LAMA5: variants seen among roughly 807,000 people sequenced by gnomAD.
LAMA5 encodes laminin subunit alpha-5.
A neutral mutation model predicts 433.4 loss-of-function variants in LAMA5; 260 were observed. That is an observed-to-expected ratio of 0.60 (90% CI 0.54 to 0.66). The LOEUF (loss-of-function observed/expected upper bound fraction) is 0.66, where lower values mean the gene tolerates loss of function less well. Ranked by LOEUF, LAMA5 falls within the 30% of genes least tolerant of loss-of-function variation. LAMA5 has a pLI of 0.00. For missense variants in LAMA5, 5,378 were observed against 5,258.5 expected, an observed-to-expected ratio of 1.02 and a Z score of -0.70; for synonymous variants, 2,620 against 2,226.6, an observed-to-expected ratio of 1.18 and a Z score of -4.97.
At chr20:62,349,931 CAT>C (rs1414673549) in intron 6 of LAMA5, among the ~76,000 whole-genome samples, 2 of 149,250 alleles carry the variant, frequency 1.3e-5, no homozygotes, top group Non-Finnish European at 3.0e-5. Flanking sequence ...TGGCTGATGA[CAT>C]GGAGCCCCCT....
intron 2 of LAMA5, among the ~76,000 whole-genome samples, chr20:62,355,755 T>C (rs1189448647): frequency 3.5e-5 from 5 of 141,174 alleles, no homozygotes; most frequent in Non-Finnish European, 1.5e-5. Context: ...AGCAGCCCCC[T>C]GTGGGCCTGA....
At chr20:62,310,375 C>T in intron 76 of LAMA5, 44 bp downstream of exon 76, 1 of 1,565,240 alleles carries the variant, frequency 6.4e-7, no homozygotes, top group South Asian at 1.2e-5. Context: ...CCTGGAGCCC[C>T]CTGCCCTGCC....
intron 1 of LAMA5, 128 bp downstream of exon 1, chr20:62,366,821 C>T: frequency 8.3e-7 from 1 of 1,206,226 alleles, no homozygotes; most frequent in South Asian, 4.3e-5. Context: ...TCTTGGGCCC[C>T]CAAAATGCGG....
rs758378567 is a variant in LAMA5 at position 62,312,913 on chromosome 20, G to A, written c.9053C>T (p.Pro3018Leu). The stretch of plus-strand genomic sequence containing the variant: ...CGCCTTGCTGGCCGAGGTCAGGGGC[G>A]GTGGGGGCTGCAGTGGGACGGCCTT... ...LKKAVPLQPP[P>L]PLTSASKAIQ... is the part of the protein sequence containing the mutation. Residue 3018 changes from proline to leucine, a missense_variant, in exon 66 of 80, where the codon CCG (proline) becomes CTG (leucine). Coordinates refer to ENST00000252999, the MANE Select transcript of LAMA5 (RefSeq NM_005560.6). 83 of 1,583,558 alleles carry A rather than the reference G, an allele frequency of 5.2e-5. No individual in the cohort carries two copies. The highest frequency in any genetic ancestry group is 3.6e-4 in the East Asian group (16 of 44,550).
At chr20:62,366,830 G>A in intron 1 of LAMA5, 119 bp downstream of exon 1, 2 of 1,215,440 alleles carry the variant, frequency 1.6e-6, no homozygotes, top group Non-Finnish European at 2.1e-6. Context: ...CCCAAAATGC[G>A]GAACCAGAGA....
chr20:62,336,409 C>G lies in LAMA5; in HGVS notation c.2254G>C (p.Gly752Arg). Reference sequence around the variant, plus strand: ...GGTTTGCAGCGGTCACAGCTCGGCCCCTCCACGTGAGCCCGGCACATACAG... The same window carrying G: ...GGTTTGCAGCGGTCACAGCTCGGCCGCTCCACGTGAGCCCGGCACATACAG... ...VPCMCRAHVE[G>R]PSCDRCKPGF... The change falls in exon 18 of 80, where the codon GGG becomes CGG. Residue 752 changes from glycine to arginine, a missense_variant. Transcript: ENST00000252999. 6.2e-7 allele frequency: 1 copy of G among 1,612,608 alleles called. No homozygotes were observed. The highest frequency in any genetic ancestry group is 8.5e-7 in the Non-Finnish European group (1 of 1,179,850).
intron 70 of LAMA5, 32 bp from the exon 71 acceptor site, chr20:62,311,816 T>TTGCGC: frequency 1.3e-6 from 2 of 1,521,010 alleles, no homozygotes; most frequent in Non-Finnish European, 1.8e-6. Flanking sequence ...GCTCGGTTTT[T>TTGCGC]CCCCACCCTG....
chr20:62,351,606 C>G (rs1282593821), intron 6 of LAMA5, 98 bp downstream of exon 6: 1 of 1,174,174 alleles, frequency 8.5e-7, no homozygotes, highest in African/African-American at 1.5e-5. Flanking sequence ...GCCATGGAAC[C>G]AGGTCACCCA....
chr20:62,351,770 C>T lies in LAMA5; in HGVS notation c.890G>A (p.Gly297Glu). 1 of 1,610,992 alleles carries T rather than the reference C, an allele frequency of 6.2e-7. No individual in the cohort carries two copies. Among genetic ancestry groups the T allele is most frequent in the Non-Finnish European group, 8.5e-7 (1 of 1,179,552 alleles). ...YYYSIKDISI[G>E]GRCVCHGHAD... is the part of the protein sequence containing the mutation. ...GTGGCCGTGGCAGACACAGCGGCCT[C>T]CGATGCTGATATCCTTGATGCTGTA... Residue 297 changes from glycine to glutamate, a missense_variant, in exon 6 of 80, where the codon GGA becomes GAA. Physicochemically the swap from Gly to Glu is moderately conservative, Grantham distance 98 (BLOSUM62 -2). Coordinates refer to ENST00000252999, the MANE Select transcript of LAMA5 (RefSeq NM_005560.6).
chr20:62,329,442 G>A (rs753712063), intron 32 of LAMA5, among the ~76,000 whole-genome samples, 189 bp from the exon 33 acceptor site: 4 of 152,178 alleles, frequency 2.6e-5, no homozygotes, highest in Non-Finnish European at 2.9e-5. Context: ...AGCAGCTTTC[G>A]GGGGCATGAG....
chr20:62,312,089 C>T, intron 69 of LAMA5, 39 bp from the exon 70 acceptor site: 1 of 1,609,252 alleles, frequency 6.2e-7, no homozygotes. Context: ...GGCCTGGGGA[C>T]CCAGACTCAT....
Position 62,328,882 on chromosome 20 carries a change from C to T in LAMA5, c.4409G>A (p.Arg1470His), listed in dbSNP as rs200572038. 5.6e-5 allele frequency: 91 copies of T among 1,611,596 alleles called. No homozygotes were observed. The highest frequency in any genetic ancestry group is 6.7e-5 in the Non-Finnish European group (79 of 1,179,524). The change falls in exon 34 of 80, where the codon CGC becomes CAC. Residue 1470 changes from arginine (R) to histidine (H), a missense_variant. Transcript: ENST00000252999. ...GAAGCCCCAGTATCCGGTGGCACAGCGGGAGCAGTCACGGCCAATGACATG... is the reference window on the plus strand; with the variant it reads ...GAAGCCCCAGTATCCGGTGGCACAGTGGGAGCAGTCACGGCCAATGACATG... The part of the protein sequence containing the change: ...HAHVIGRDCS[R>H]CATGYWGFPN...
Position 62,311,284 on chromosome 20 carries a change from G to A in LAMA5, c.9966C>T (p.Pro3322=), listed in dbSNP as rs776267400. The change falls in exon 73 of 80, where the codon CCC becomes CCT. Residue 3322 remains proline (P), a synonymous_variant. Coordinates refer to ENST00000252999, the MANE Select transcript of LAMA5 (RefSeq NM_005560.6). ...ARKASRRSRQ[P]ARHPACMLPP... ...GCAGCATGCAGGCAGGATGCCGGGCGGGCTGACGGCTGCGGCGGGAGGCCT... is the reference window on the plus strand; with the variant it reads ...GCAGCATGCAGGCAGGATGCCGGGCAGGCTGACGGCTGCGGCGGGAGGCCT... The A allele has an allele frequency of 1.4e-5, 22 of 1,595,044 alleles. No individual in the cohort carries two copies. Among genetic ancestry groups the A allele is most frequent in the South Asian group, 3.4e-5 (3 of 89,106 alleles).
Position 62,362,505 on chromosome 20 carries a change from G to A in LAMA5, c.345C>T (p.His115=). The A allele has an allele frequency of 6.2e-7, 1 of 1,604,414 alleles. No homozygotes were observed. Among genetic ancestry groups the A allele is most frequent in the Non-Finnish European group, 8.5e-7 (1 of 1,174,966 alleles). The change falls in exon 2 of 80, where the codon CAC becomes CAT. Residue 115 remains histidine, a synonymous_variant. Transcript: ENST00000252999. ...ICTAANSNKA[H]PASNAIDGTE... is the part of the protein sequence containing the mutation. ...TGCCATCGATGGCATTGCTCGCGGG[G>A]TGTGCCTTGTTGCTGTTGGCAGCCG...
At chr20:62,336,576 G>A in intron 17 of LAMA5, 131 bp from the exon 18 acceptor site, 2 of 1,115,996 alleles carry the variant, frequency 1.8e-6, no homozygotes, top group South Asian at 1.3e-5. Context: ...GGAGTCACCT[G>A]CAGTGGGGGC....
At position 62,325,558 on chromosome 20, in the gene LAMA5, G is replaced by A. The variant is rs1191547470; in HGVS notation, c.5299-12C>T. On this transcript the variant is annotated splice_polypyrimidine_tract_variant and intron_variant, in intron 40 of 79. Coordinates refer to ENST00000252999, the MANE Select transcript of LAMA5 (RefSeq NM_005560.6). ...TGCCGGAAGTTCCCCTGTGGGTCCA[G>A]GATGGCACCTCAGTGGGGCCACACT... 1.9e-6 allele frequency: 3 copies of A among 1,573,552 alleles called. No individual in the cohort carries two copies. The highest frequency in any genetic ancestry group is 2.6e-6 in the Non-Finnish European group (3 of 1,148,932).
At position 62,312,944 on chromosome 20, in the gene LAMA5, GGCCAGCCCCAAAGTCATACAACA is replaced by G; in HGVS notation, c.8999_9021del (p.Leu3000ProfsTer49). Reference sequence around the variant, plus strand: ...GGCTGCAGTGGGACGGCCTTTTTCAGGCCAGCCCCAAAGTCATACAACAGCACGAGGCTGCCTTCTTGCACGGC... The same window carrying G: ...GGCTGCAGTGGGACGGCCTTTTTCAGGCACGAGGCTGCCTTCTTGCACGGC... On this transcript the variant is annotated frameshift_variant, in exon 66 of 80. Transcript: ENST00000252999. LOFTEE classifies it high-confidence loss of function. The G allele has an allele frequency of 6.3e-7, 1 of 1,581,098 alleles. No individual in the cohort carries two copies. Among genetic ancestry groups the G allele is most frequent in the Non-Finnish European group, 8.6e-7 (1 of 1,161,594 alleles).
Position 62,328,832 on chromosome 20 carries a change from T to TG in LAMA5, c.4447+11dup, listed in dbSNP as rs1367787950. On this transcript the variant is annotated intron_variant, in intron 34 of 79. Transcript: ENST00000252999. Reference sequence around the variant, plus strand: ...TCCCTGCCACTGGGCGCCCAAGGACTGGGGTACTCACGCCTGCAGTTGGGG... The same window carrying TG: ...TCCCTGCCACTGGGCGCCCAAGGACTGGGGGTACTCACGCCTGCAGTTGGGG... 2 of 1,609,302 alleles carry TG rather than the reference T, an allele frequency of 1.2e-6. No individual in the cohort carries two copies. The highest frequency in any genetic ancestry group is 2.7e-5 in the African/African-American group (2 of 74,738).
At chr20:62,334,764 CGAGGGCGAGGG>C in intron 20 of LAMA5, 143 bp from the exon 21 acceptor site, 3 of 537,732 alleles carry the variant, frequency 5.6e-6, no homozygotes, top group African/African-American at 4.9e-5. Flanking sequence ...AGGGCGAGGG[CGAGGGCGAGGG>C]TGAGGGCGCT....
Sources: gnomAD v4.1 joint callset for allele counts (sites outside exome capture counted in the v4.1 genomes callset) on GRCh38, gnomAD v4.1.1 for gene constraint, MANE v1.5 for transcripts, NCBI Gene and HGNC (gene_info 2026-07-23, HGNC 2026-07-21) for gene names.